DEAF1: variants seen among roughly 807,000 people sequenced by gnomAD.
DEAF1 encodes DEAF1 transcription factor, also known as deformed epidermal autoregulatory factor 1 homolog.
DEAF1 carries 53 observed loss-of-function variants against 58.9 expected under a neutral mutation model. The observed-to-expected ratio is 0.90, with a 90% CI of 0.72 to 1.13. The LOEUF is 1.13. Ranked by LOEUF, DEAF1 falls within the 50% of genes most tolerant of loss-of-function variation. DEAF1 has a pLI of 0.00. For synonymous variants in DEAF1, 385 were observed against 340.4 expected (o/e 1.13, Z -1.44); for missense variants, 685 against 791.4 (o/e 0.87, Z 1.61).
chr11:669,321 T>C (rs1298533017), intron 10 of DEAF1, among the ~76,000 whole-genome samples: 1 of 152,040 alleles, frequency 6.6e-6, no homozygotes, highest in Non-Finnish European at 1.5e-5. Flanking sequence ...GGAGTTGAAT[T>C]AGAAATCAGT....
chr11:666,892 A>G (rs1021891609), intron 10 of DEAF1, among the ~76,000 whole-genome samples: 17 of 150,948 alleles, frequency 1.1e-4, no homozygotes, highest in African/African-American at 1.5e-4. Context: ...AAAAAAAAAA[A>G]AAAAAGAAAA....
intron 10 of DEAF1, among the ~76,000 whole-genome samples, chr11:671,074 G>A (rs1423984314): frequency 3.3e-5 from 5 of 151,196 alleles, no homozygotes; most frequent in South Asian, 2.1e-4. Context: ...GACTACAGGC[G>A]CCCGCCACCA....
intron 6 of DEAF1, among the ~76,000 whole-genome samples, chr11:681,646 G>A (rs1158066434): frequency 6.6e-6 from 1 of 151,916 alleles, no homozygotes; most frequent in African/African-American, 2.4e-5. Flanking sequence ...TCCTGACCTC[G>A]TGATCTGCCC....
At chr11:682,013 C>T (rs1162300994) in intron 6 of DEAF1, among the ~76,000 whole-genome samples, 1 of 152,222 alleles carries the variant, frequency 6.6e-6, no homozygotes, top group Non-Finnish European at 1.5e-5. Flanking sequence ...TCTCCTTTCT[C>T]TGGGATCCTT....
chr11:692,518 G>C (rs1170855477), intron 1 of DEAF1, among the ~76,000 whole-genome samples: 1 of 152,158 alleles, frequency 6.6e-6, no homozygotes, highest in African/African-American at 2.4e-5. Context: ...AATGAGTCCT[G>C]ACCATACCAT....
At chr11:683,763 C>A (rs2133391695) in intron 6 of DEAF1, among the ~76,000 whole-genome samples, 1 of 152,294 alleles carries the variant, frequency 6.6e-6, no homozygotes, top group East Asian at 1.9e-4. Context: ...CGCAGGACGT[C>A]TTTTGACGTA....
chr11:679,294 G>A (rs1166530059), intron 8 of DEAF1, among the ~76,000 whole-genome samples: 1 of 146,558 alleles, frequency 6.8e-6, no homozygotes, highest in African/African-American at 2.5e-5. Context: ...CAGCCTGGGG[G>A]ATGGAGCGAG....
Position 654,010 on chromosome 11 carries a change from G to A in DEAF1, c.1545C>T (p.Cys515=). The A allele has an allele frequency of 1.2e-6, 2 of 1,613,878 alleles. No individual in the cohort carries two copies. The highest frequency in any genetic ancestry group is 1.7e-6 in the Non-Finnish European group (2 of 1,179,976). ...VNCGREAMSE[C]TGCHKVNYCS... is the part of the protein sequence containing the mutation. ...AGTAGTTGACCTTGTGGCAGCCGGT[G>A]CACTCGCTCATAGCCTCCCGGCCGC... Residue 515 remains cysteine (C), a synonymous_variant, in exon 11 of 12, where the codon TGC becomes TGT. Transcript: ENST00000382409.
rs776366013 is a variant in DEAF1, at chr11:653,972, CAGA to C, written c.1580_1582del (p.Phe527del). ...GTAGGTGAGACCTACCTTGCGTTGG[CAGA>C]AGGTGGAGCAGTAGTTGACCTTGTG... On this transcript the variant is annotated inframe_deletion, in exon 11 of 12. Coordinates refer to ENST00000382409, the MANE Select transcript of DEAF1 (RefSeq NM_021008.4). 3.7e-6 allele frequency: 6 copies of C among 1,613,880 alleles called. No homozygotes were observed. The highest frequency in any genetic ancestry group is 1.1e-5 in the South Asian group (1 of 91,080).
intron 10 of DEAF1, among the ~76,000 whole-genome samples, chr11:659,662 G>A (rs1019378193): frequency 2.0e-5 from 3 of 152,182 alleles, no homozygotes; most frequent in Non-Finnish European, 4.4e-5. Context: ...AGTTGGCCTC[G>A]GGGTTCAGAG....
intron 10 of DEAF1, among the ~76,000 whole-genome samples, chr11:669,866 G>T (rs1470702001): frequency 6.9e-6 from 1 of 144,710 alleles, no homozygotes; most frequent in Non-Finnish European, 1.5e-5. Flanking sequence ...GGAGGCGAAG[G>T]CTACAGTGAG....
upstream of DEAF1, chr11:698,812 C>T: frequency 6.2e-7 from 1 of 1,609,006 alleles, no homozygotes; most frequent in Non-Finnish European, 8.5e-7. Flanking sequence ...TGGAGCGAGA[C>T]CCGGGAAAGC....
intron 11 of DEAF1, among the ~76,000 whole-genome samples, chr11:651,907 A>G (rs1196238373): frequency 6.6e-6 from 1 of 152,216 alleles, no homozygotes; most frequent in African/African-American, 2.4e-5. Context: ...CAAAAACCAG[A>G]TAATTCAACA....
chr11:660,848 C>T (rs1859288757), intron 10 of DEAF1, among the ~76,000 whole-genome samples: 1 of 152,016 alleles, frequency 6.6e-6, no homozygotes, highest in Non-Finnish European at 1.5e-5. Context: ...GTCACTGAAA[C>T]ACAAGCCCCT....
intron 10 of DEAF1, among the ~76,000 whole-genome samples, chr11:664,140 G>C (rs1325550300): frequency 6.6e-6 from 1 of 151,968 alleles, no homozygotes; most frequent in Non-Finnish European, 1.5e-5. Flanking sequence ...TTGAACCCAG[G>C]AGGCAGAGGT....
rs923010543 is a variant in DEAF1, at chr11:656,607, G to T, written c.1504-2556C>A. ...CCAGCCCCTCACAGACAGAGGTCAG[G>T]TGGGGTGGGAGGCTGGCGGGAGCGT... On this transcript the variant is annotated intron_variant, in intron 10 of 11. Coordinates refer to ENST00000382409, the MANE Select transcript of DEAF1 (RefSeq NM_021008.4). Among the ~76,000 whole-genome samples the T allele has an allele frequency of 6.6e-5, 10 of 152,352 alleles. No individual in the cohort carries two copies. In the South Asian group the frequency reaches 1.9e-3, roughly 28 times the overall value.
chr11:671,739 C>T (rs1452198794), intron 10 of DEAF1, among the ~76,000 whole-genome samples: 1 of 145,920 alleles, frequency 6.9e-6, no homozygotes, highest in Non-Finnish European at 1.5e-5. Context: ...ATAAATTAGG[C>T]AAGCGTGGTG....
chr11:644,732 C>T lies in DEAF1; in HGVS notation c.1594-78G>A. 8.8e-7 allele frequency: 1 copy of T among 1,139,578 alleles called. No homozygotes were observed. The highest frequency in any genetic ancestry group is 1.3e-6 in the Non-Finnish European group (1 of 782,146). 70.6% of individuals were successfully genotyped at this position (1,139,578 alleles called of 1,614,324 possible). On this transcript the variant is annotated intron_variant, in intron 11 of 11. Coordinates refer to ENST00000382409, the MANE Select transcript of DEAF1 (RefSeq NM_021008.4). This position sits in a 1 kb window ranked among gnomAD's most constrained non-coding sequence, Gnocchi z 4.3. ...TGGGCAGGGTCCCCAAGGCAGACCC[C>T]AGAGGGTGCAGCCCTCTGTAACCTC...
intron 10 of DEAF1, among the ~76,000 whole-genome samples, chr11:671,856 C>CA (rs1403802944): frequency 1.1e-5 from 1 of 89,096 alleles, no homozygotes; most frequent in Non-Finnish European, 2.4e-5. Flanking sequence ...AAAAGAAACA[C>CA]AAAAAACACT....
Sources: allele counts gnomAD v4.1 joint callset (sites outside exome capture counted in the v4.1 genomes callset), GRCh38; gene constraint gnomAD v4.1.1; non-coding constraint Gnocchi (gnomAD v3.1); transcripts MANE v1.5; gene names NCBI Gene and HGNC (gene_info 2026-07-23, HGNC 2026-07-21).